Variants in ANO1 observed in about 807,000 individuals in gnomAD.
ANO1 encodes anoctamin-1.
In ANO1, 59 loss-of-function variants were observed where a neutral mutation model predicts 124.0. The ratio of observed to expected loss-of-function variants is 0.48; its 90% CI spans 0.39 to 0.59. The LOEUF (loss-of-function observed/expected upper bound fraction) is 0.59. ANO1 is among the 20% of genes least tolerant of loss of function. ANO1 has a pLI of 0.00. For synonymous variants in ANO1, 529 were observed against 532.0 expected (o/e 0.99, Z 0.08); for missense variants, 1,059 against 1,328.0 (o/e 0.80, Z 3.15).
chr11:70,172,520 G>A (rs1368552152), intron 22 of ANO1, among the ~76,000 whole-genome samples: 1 of 152,190 alleles, frequency 6.6e-6, no homozygotes, highest in Non-Finnish European at 1.5e-5. Context: ...TTCCATACCA[G>A]CTTGATAAGA....
intron 22 of ANO1, among the ~76,000 whole-genome samples, chr11:70,177,603 T>TTCTTTTTTTTC (rs1555054502): frequency 7.3e-6 from 1 of 136,980 alleles, no homozygotes; most frequent in African/African-American, 2.7e-5. Flanking sequence ...TCTTTTTTTT[T>TTCTTTTTTTTC]TTTTTTTTTT....
At chr11:70,159,407 G>A (rs1193808658) in intron 16 of ANO1, among the ~76,000 whole-genome samples, 4 of 152,220 alleles carry the variant, frequency 2.6e-5, no homozygotes, top group African/African-American at 9.6e-5. Flanking sequence ...AAGGCGGGAT[G>A]GTAGAGGAAA....
chr11:70,105,156 C>T (rs553443293), intron 4 of ANO1, among the ~76,000 whole-genome samples: 1 of 152,210 alleles, frequency 6.6e-6, no homozygotes, highest in South Asian at 2.1e-4. Flanking sequence ...CACCTCCAGG[C>T]TCCGTGGAGG....
At chr11:69,979,564 C>T in the ANO1 span, among the ~76,000 whole-genome samples, 1 of 152,120 alleles carries the variant, frequency 6.6e-6, no homozygotes, top group African/African-American at 2.4e-5. Context: ...AGCTGTATGG[C>T]ATTGCCCAGG....
chr11:69,990,053 A>G (rs1301102105), intron 1 of ANO1, among the ~76,000 whole-genome samples: 6 of 152,142 alleles, frequency 3.9e-5, no homozygotes, highest in African/African-American at 1.2e-4. Flanking sequence ...TACATTCACG[A>G]TGTCATACAA....
intron 1 of ANO1, among the ~76,000 whole-genome samples, chr11:70,043,435 A>C (rs1329825904): frequency 2.6e-5 from 4 of 152,198 alleles, no homozygotes; most frequent in Non-Finnish European, 5.9e-5. Context: ...GTGATAAAAA[A>C]CTTTCCTTTG....
intron 12 of ANO1, among the ~76,000 whole-genome samples, chr11:70,151,118 T>C (rs918150149): frequency 6.6e-6 from 1 of 152,252 alleles, no homozygotes; most frequent in African/African-American, 2.4e-5. Flanking sequence ...TTAACATCCC[T>C]GTACCTCAGT....
intron 2 of ANO1, among the ~76,000 whole-genome samples, chr11:70,088,589 CT>C (rs1258407470): frequency 1.3e-5 from 2 of 151,722 alleles, no homozygotes; most frequent in Non-Finnish European, 2.9e-5. Flanking sequence ...GTAGAAATTG[CT>C]TTTGAACAGA....
intron 1 of ANO1, among the ~76,000 whole-genome samples, chr11:70,041,068 T>G (rs1223418463): frequency 6.6e-6 from 1 of 152,164 alleles, no homozygotes; most frequent in African/African-American, 2.4e-5. Context: ...CCTCCAGCCC[T>G]GAGACTCCAT....
At chr11:70,026,839 C>A (rs1022278700) in intron 1 of ANO1, among the ~76,000 whole-genome samples, 1 of 152,190 alleles carries the variant, frequency 6.6e-6, no homozygotes, top group Non-Finnish European at 1.5e-5. Flanking sequence ...GACCTCACAT[C>A]CCAGGGCGTT....
chr11:70,062,268 G>C (rs530230097), intron 1 of ANO1, among the ~76,000 whole-genome samples: 4 of 151,882 alleles, frequency 2.6e-5, no homozygotes, highest in Non-Finnish European at 5.9e-5. Context: ...TAGAGATGGG[G>C]GTTTCGCTAT....
Position 70,112,552 on chromosome 11 carries a change from T to C in ANO1, c.855+790T>C, listed in dbSNP as rs1274437082. Among the ~76,000 whole-genome samples, 8 of 99,090 alleles carry C rather than the reference T, an allele frequency of 8.1e-5. No individual in the cohort carries two copies. In the South Asian group the frequency reaches 9.5e-4, roughly 12 times the overall value. The allele number at this position is 99,090 out of a possible 152,430, so 65.0% of individuals were successfully genotyped here. On this transcript the variant is annotated intron_variant, in intron 7 of 25. Coordinates refer to ENST00000355303, the MANE Select transcript of ANO1 (RefSeq NM_018043.7). Reference sequence around the variant, plus strand: ...ACTTGTCCTAACTCCTCTTTTCTTTTCTTTTTTTTTTTTTTTTTGAAACAA... The same window carrying C: ...ACTTGTCCTAACTCCTCTTTTCTTTCCTTTTTTTTTTTTTTTTTGAAACAA...
chr11:70,131,528 A>G (rs1457134386), intron 10 of ANO1, among the ~76,000 whole-genome samples: 2 of 152,144 alleles, frequency 1.3e-5, no homozygotes, highest in Non-Finnish European at 2.9e-5. Flanking sequence ...GGGTTTCACC[A>G]TTTTGGCCAG....
At chr11:69,984,875 C>T (rs1554996695), upstream of ANO1, among the ~76,000 whole-genome samples, 1 of 152,254 alleles carries the variant, frequency 6.6e-6, no homozygotes, top group Non-Finnish European at 1.5e-5. Context: ...CTGTCCCCCA[C>T]GGCCTCTCCT....
chr11:70,089,647 G>A lies in ANO1; in HGVS notation c.441+1563G>A, dbSNP rs76643753. Among the ~76,000 whole-genome samples the A allele has an allele frequency of 9.7e-3, 1,471 of 152,276 alleles. 73 individuals carry two copies. The East Asian group carries it at 0.12, about 13-fold the overall frequency. ...GGTGAGGAGCCTTACAAGTTTTGAT[G>A]ATCAGGAAGCAAAGTTTGATCCTGA... On this transcript the variant is annotated intron_variant, in intron 2 of 25. Transcript: ENST00000355303.
Position 70,111,854 on chromosome 11 carries a change from T to C in ANO1, c.855+92T>C, listed in dbSNP as rs560876985. The stretch of plus-strand genomic sequence containing the variant: ...CCCCCCGGGAGCTGCAATTATCCTG[T>C]GGTCACAGCTTCCTGCTTGGCTCTC... On this transcript the variant is annotated intron_variant, in intron 7 of 25. Coordinates refer to ENST00000355303, the MANE Select transcript of ANO1 (RefSeq NM_018043.7). The C allele has an allele frequency of 1.2e-5, 16 of 1,288,698 alleles. No individual in the cohort carries two copies. The African/African-American group carries it at 2.0e-4, about 16-fold the overall frequency. The allele number at this position is 1,288,698 out of a possible 1,614,324, so 79.8% of individuals were successfully genotyped here. A position where few individuals can be genotyped will look rare whatever the true frequency, so the allele number is the denominator to read the frequency against.
chr11:70,126,501 G>T (rs1185621458), intron 10 of ANO1, among the ~76,000 whole-genome samples: 1 of 152,222 alleles, frequency 6.6e-6, no homozygotes, highest in Admixed American at 6.5e-5. Flanking sequence ...TTTCACTGTT[G>T]GTCATTAGTG....
intron 1 of ANO1, among the ~76,000 whole-genome samples, chr11:69,990,456 G>T (rs1304942109): frequency 1.3e-5 from 2 of 152,180 alleles, no homozygotes; most frequent in Non-Finnish European, 2.9e-5. Context: ...ATGAGCATTT[G>T]CATGTGAGTG....
chr11:70,164,977 A>T (rs1305826679), intron 19 of ANO1, among the ~76,000 whole-genome samples: 1 of 152,060 alleles, frequency 6.6e-6, no homozygotes, highest in Non-Finnish European at 1.5e-5. Flanking sequence ...GGGCTGCCGC[A>T]ACTCGATCCC....
Sources: allele counts gnomAD v4.1 joint callset (sites outside exome capture counted in the v4.1 genomes callset), GRCh38; gene constraint gnomAD v4.1.1; transcripts MANE v1.5; gene names NCBI Gene and HGNC (gene_info 2026-07-23, HGNC 2026-07-21).